Variants in HM13 observed in about 807,000 individuals in gnomAD.
HM13 encodes the protein signal peptide peptidase.
A neutral mutation model predicts 50.0 loss-of-function variants in HM13; 18 were observed. The observed-to-expected ratio is 0.36, with a 90% confidence interval of 0.25 to 0.53. The LOEUF (loss-of-function observed/expected upper bound fraction) is 0.53, where lower values mean the gene tolerates loss of function less well. Ranked by LOEUF, HM13 falls within the 20% of genes least tolerant of loss-of-function variation. The pLI is 0.90. For missense variants in HM13, 393 were observed against 552.4 expected (o/e 0.71, Z 2.89); for synonymous variants, 197 against 232.6 (o/e 0.85, Z 1.39).
At chr20:31,558,881 G>T (rs566001393) in intron 8 of HM13, among the ~76,000 whole-genome samples, 1 of 151,978 alleles carries the variant, frequency 6.6e-6, no homozygotes, top group Non-Finnish European at 1.5e-5. Flanking sequence ...CTGCCACCAC[G>T]TCTGGCTAAT....
At chr20:31,544,222 A>G (rs181002376) in intron 3 of HM13, among the ~76,000 whole-genome samples, 4 of 152,332 alleles carry the variant, frequency 2.6e-5, no homozygotes, top group Non-Finnish European at 5.9e-5. Flanking sequence ...CAGTACTGCC[A>G]CCAGGCTGGG....
chr20:31,561,191 A>C (rs1984586761), intron 9 of HM13, among the ~76,000 whole-genome samples: 1 of 152,244 alleles, frequency 6.6e-6, no homozygotes, highest in South Asian at 2.1e-4. Context: ...AGCATGATCC[A>C]ACGGTATGAG....
At chr20:31,558,177 T>C (rs1248810792) in intron 8 of HM13, among the ~76,000 whole-genome samples, 2 of 152,234 alleles carry the variant, frequency 1.3e-5, no homozygotes, top group African/African-American at 4.8e-5. Flanking sequence ...TTTTTCTTTT[T>C]TAGCAGAACC....
At chr20:31,522,780 G>A (rs576247040) in intron 1 of HM13, among the ~76,000 whole-genome samples, 36 of 151,942 alleles carry the variant, frequency 2.4e-4, no homozygotes, top group African/African-American at 8.0e-4. Context: ...ATGATGACTC[G>A]AGATACAATG....
chr20:31,542,065 G>T (rs1046339822), intron 3 of HM13, among the ~76,000 whole-genome samples: 1 of 152,240 alleles, frequency 6.6e-6, no homozygotes, highest in African/African-American at 2.4e-5. Flanking sequence ...CAGAGGAGAG[G>T]CCTGCTGAAA....
chr20:31,519,112 G>A (rs370227894), intron 1 of HM13, among the ~76,000 whole-genome samples: 34 of 152,082 alleles, frequency 2.2e-4, no homozygotes, highest in African/African-American at 7.0e-4. Flanking sequence ...TTTTGTTGTT[G>A]TTTTAATGAG....
intron 9 of HM13, among the ~76,000 whole-genome samples, chr20:31,560,319 A>ATGT (rs1412839940): frequency 1.3e-5 from 2 of 152,236 alleles, no homozygotes; most frequent in Non-Finnish European, 2.9e-5. Context: ...AGGGCTGGCA[A>ATGT]TGTTGCACTT....
At chr20:31,531,176 C>G (rs1043692888) in intron 2 of HM13, among the ~76,000 whole-genome samples, 1 of 151,512 alleles carries the variant, frequency 6.6e-6, no homozygotes, top group Non-Finnish European at 1.5e-5. Flanking sequence ...TCCCAAGTAG[C>G]TAGGATTACA....
chr20:31,537,459 A>G (rs1983178729), intron 2 of HM13, among the ~76,000 whole-genome samples: 2 of 152,256 alleles, frequency 1.3e-5, no homozygotes, highest in South Asian at 4.1e-4. Flanking sequence ...ACCCCACACA[A>G]CAGCACATTA....
intron 2 of HM13, among the ~76,000 whole-genome samples, chr20:31,535,871 C>T (rs766809875): frequency 2.0e-5 from 3 of 152,148 alleles, no homozygotes; most frequent in Non-Finnish European, 4.4e-5. Context: ...GCTGTTAAGG[C>T]GAGGTCCATA....
At chr20:31,533,639 CCCT>C (rs1156967198) in intron 2 of HM13, among the ~76,000 whole-genome samples, 1 of 152,210 alleles carries the variant, frequency 6.6e-6, no homozygotes, top group Non-Finnish European at 1.5e-5. Context: ...CCCTTTCTTG[CCCT>C]CCTCTACTCT....
In HM13 at chr20:31,544,880, A is replaced by G. The variant is rs1322770943; in HGVS notation, c.366-67A>G. 2.4e-6 allele frequency: 3 copies of G among 1,231,824 alleles called. No individual in the cohort carries two copies. The African/African-American group carries it at 4.5e-5, about 18-fold the overall frequency. 76.3% of individuals were successfully genotyped at this position (1,231,824 alleles called of 1,614,324 possible). On this transcript the variant is annotated intron_variant, in intron 3 of 12. Transcript: ENST00000398174. ...TAAGGGTGCCAGCTGTAAATGGGGCAGGGGTGTGTTAAGGCTGACTGCCCA... is the reference window on the plus strand; with the variant it reads ...TAAGGGTGCCAGCTGTAAATGGGGCGGGGGTGTGTTAAGGCTGACTGCCCA...
Position 31,514,658 on chromosome 20 carries a change from A to T in HM13, c.107A>T (p.Tyr36Phe), listed in dbSNP as rs546129856. 1 of 1,567,156 alleles carries T rather than the reference A, an allele frequency of 6.4e-7. No individual in the cohort carries two copies. Residue 36 changes from tyrosine (Y) to phenylalanine (F), a missense_variant, in exon 1 of 13, where the codon TAC becomes TTC. Tyr to Phe is a conservative substitution (Grantham distance 22). Coordinates refer to ENST00000398174, the MANE Select transcript of HM13 (RefSeq NM_178581.3). This position sits in a 1 kb window ranked among gnomAD's most constrained non-coding sequence, Gnocchi z 4.3. Reference sequence around the variant, plus strand: ...ACGCCCGAGGGCATCGCGCTGGCCTACGGCAGCCTCCTGCTCATGGCGCTG... The same window carrying T: ...ACGCCCGAGGGCATCGCGCTGGCCTTCGGCAGCCTCCTGCTCATGGCGCTG... ...PSTPEGIALA[Y>F]GSLLLMALLP...
intron 1 of HM13, among the ~76,000 whole-genome samples, chr20:31,515,681 A>G (rs1348136759): frequency 6.6e-6 from 1 of 152,162 alleles, no homozygotes; most frequent in African/African-American, 2.4e-5. Context: ...CTATTGGATA[A>G]CTAGGAGGAC....
chr20:31,550,072 C>T lies in HM13; in HGVS notation c.675C>T (p.Gly225=), dbSNP rs779130652. The T allele has an allele frequency of 6.2e-7, 1 of 1,613,466 alleles. No individual in the cohort carries two copies. Among genetic ancestry groups the T allele is most frequent in the African/African-American group, 1.3e-5 (1 of 74,862 alleles). ...LFIYDVFWVF[G]TNVMVTVAKS... ...TTTTTTTCTCCTTCTAGGTATTTGG[C>T]ACCAATGTGATGGTGACAGTGGCCA... Residue 225 remains glycine (G), a synonymous_variant, in exon 7 of 13, where the codon GGC becomes GGT. Transcript: ENST00000398174.
Position 31,550,096 on chromosome 20 carries a change from C to T in HM13, c.699C>T (p.Ala233=), listed in dbSNP as rs147394359. 1.2e-6 allele frequency: 2 copies of T among 1,613,956 alleles called. No individual in the cohort carries two copies. The highest frequency in any genetic ancestry group is 1.7e-6 in the Non-Finnish European group (2 of 1,179,882). ...VFGTNVMVTV[A]KSFEAPIKLV... Reference sequence around the variant, plus strand: ...GCACCAATGTGATGGTGACAGTGGCCAAGTCCTTCGAGGCACCAATAAAAT... The same window carrying T: ...GCACCAATGTGATGGTGACAGTGGCTAAGTCCTTCGAGGCACCAATAAAAT... Residue 233 remains alanine, a synonymous_variant, in exon 7 of 13, where the codon GCC becomes GCT. Transcript: ENST00000398174.
chr20:31,522,762 C>T (rs539857774), intron 1 of HM13, among the ~76,000 whole-genome samples: 1 of 151,912 alleles, frequency 6.6e-6, no homozygotes, highest in South Asian at 2.1e-4. Flanking sequence ...ATGGTGTATA[C>T]GGTTTAAATG....
chr20:31,555,275 C>A (rs1984247531), intron 8 of HM13, among the ~76,000 whole-genome samples: 1 of 152,268 alleles, frequency 6.6e-6, no homozygotes, highest in South Asian at 2.1e-4. Flanking sequence ...TGCTCCTCCT[C>A]CCTGTGCCAA....
intron 4 of HM13, chr20:31,547,455 C>A (rs572142119): frequency 1.6e-4 from 95 of 581,688 alleles, no homozygotes; most frequent in Non-Finnish European, 2.7e-4. Flanking sequence ...CCACCGGAGC[C>A]TTGCCAATTC....
Sources: allele counts gnomAD v4.1 joint callset (sites outside exome capture counted in the v4.1 genomes callset), GRCh38; gene constraint gnomAD v4.1.1; non-coding constraint Gnocchi (gnomAD v3.1); transcripts MANE v1.5; gene names NCBI Gene and HGNC (gene_info 2026-07-23, HGNC 2026-07-21).